The following MRPS31 variants were observed in gnomAD, a reference collection of about 807,000 sequenced individuals.
MRPS31 encodes mitochondrial ribosomal protein S31.
Under a neutral mutation model 43.1 loss-of-function variants are expected in MRPS31, and 32 were observed. That is an observed-to-expected ratio of 0.74 (90% CI 0.56 to 1.00). MRPS31 has a LOEUF of 1.00. MRPS31 is among the 50% of genes least tolerant of loss of function. The pLI is 0.00. For synonymous variants in MRPS31, 165 were observed against 161.6 expected (o/e 1.02, Z -0.16); for missense variants, 437 against 466.7 (o/e 0.94, Z 0.59).
rs181212376 is a variant in MRPS31, at chr13:40,752,475, A to G, written c.814+1544T>C. 55 of 152,344 alleles carry G rather than the reference A, an allele frequency of 3.6e-4. 1 individual carries two copies. Among genetic ancestry groups the G allele is most frequent in the African/African-American group, 1.3e-3 (53 of 41,580 alleles). 9.4% of individuals were successfully genotyped at this position (152,344 alleles called of 1,614,324 possible). A position where few individuals can be genotyped will look rare whatever the true frequency, so the allele number is the denominator to read the frequency against. ...GGTTGTTCTTTTAGCTTCACCTTCA[A>G]TTCAAATGAACAAACACTGAATTAA... On this transcript the variant is annotated intron_variant, in intron 5 of 6. Transcript: ENST00000323563.
chr13:40,760,408 G>A (rs1593277294), intron 2 of MRPS31, among the ~76,000 whole-genome samples: 1 of 152,018 alleles, frequency 6.6e-6, no homozygotes, highest in Admixed American at 6.6e-5. Context: ...TCATCAAGTA[G>A]GAGATGGAAA....
At chr13:40,769,421 T>TATATATATATA (rs10684050) in intron 1 of MRPS31, among the ~76,000 whole-genome samples, 17 of 120,146 alleles carry the variant, frequency 1.4e-4, no homozygotes, top group Admixed American at 2.7e-4. Context: ...TATATATATA[T>TATATATATATA]TATCAAGTTC....
At chr13:40,740,933 T>C (rs1170567) in intron 6 of MRPS31, among the ~76,000 whole-genome samples, 2 of 129,822 alleles carry the variant, frequency 1.5e-5, no homozygotes, top group Non-Finnish European at 3.2e-5. Flanking sequence ...ACTTAAAGTA[T>C]AATAAAAAAA....
chr13:40,731,645 A>C (rs1303301115), intron 6 of MRPS31, among the ~76,000 whole-genome samples: 30 of 152,174 alleles, frequency 2.0e-4, no homozygotes, highest in Admixed American at 2.0e-3. Context: ...AATGAACAGA[A>C]AATAATACTT....
chr13:40,729,582 T>G lies in MRPS31; in HGVS notation c.978A>C (p.Ser326=), dbSNP rs1289811844. 6.2e-7 allele frequency: 1 copy of G among 1,612,968 alleles called. No individual in the cohort carries two copies. The highest frequency in any genetic ancestry group is 8.5e-7 in the Non-Finnish European group (1 of 1,179,090). ...NNEAGFDDDG[S]EFHEHIFLEK... is the part of the protein sequence containing the mutation. ...CCAGAAATATATGTTCATGAAATTC[T>G]GAACCATCATCATCAAAACCTAGGA... The change falls in exon 7 of 7, where the codon TCA becomes TCC. Residue 326 remains serine (S), a synonymous_variant. Coordinates refer to ENST00000323563, the MANE Select transcript of MRPS31 (RefSeq NM_005830.4).
intron 5 of MRPS31, among the ~76,000 whole-genome samples, chr13:40,749,872 C>T (rs1189990596): frequency 1.3e-5 from 2 of 152,168 alleles, no homozygotes; most frequent in African/African-American, 4.8e-5. Context: ...AACTTCAGAT[C>T]ATCTTTTGAA....
At chr13:40,754,227 C>T in intron 4 of MRPS31, 135 bp from the exon 5 acceptor site, 1 of 521,402 alleles carries the variant, frequency 1.9e-6, no homozygotes, top group South Asian at 2.9e-5. Context: ...AAAATATTAG[C>T]TAAATTGCCA....
intron 3 of MRPS31, among the ~76,000 whole-genome samples, chr13:40,757,251 G>A (rs142912759): frequency 2.6e-5 from 4 of 151,514 alleles, no homozygotes; most frequent in Non-Finnish European, 5.9e-5. Flanking sequence ...CATTTAAAAC[G>A]TAAGTGTCTC....
intron 5 of MRPS31, among the ~76,000 whole-genome samples, chr13:40,751,707 A>T (rs906480901): frequency 4.6e-5 from 7 of 152,220 alleles, no homozygotes; most frequent in African/African-American, 1.7e-4. Flanking sequence ...ACAATTGCTA[A>T]ATTTACGTTT....
intron 2 of MRPS31, among the ~76,000 whole-genome samples, chr13:40,764,742 A>G (rs1256155518): frequency 3.9e-5 from 6 of 152,186 alleles, no homozygotes; most frequent in Non-Finnish European, 8.8e-5. Context: ...CAACTGCCAG[A>G]CCTATGAGTG....
At chr13:40,768,140 T>G (rs898775844) in intron 1 of MRPS31, among the ~76,000 whole-genome samples, 1 of 152,230 alleles carries the variant, frequency 6.6e-6, no homozygotes, top group African/African-American at 2.4e-5. Context: ...AAAATTTGTT[T>G]TGGTATTTGA....
intron 1 of MRPS31, among the ~76,000 whole-genome samples, chr13:40,767,766 T>C (rs1274969573): frequency 6.6e-6 from 1 of 152,256 alleles, no homozygotes; most frequent in East Asian, 1.9e-4. Flanking sequence ...CAAACCCAAA[T>C]GTGACTGACT....
chr13:40,763,677 C>T (rs1880764484), intron 2 of MRPS31, among the ~76,000 whole-genome samples: 1 of 152,158 alleles, frequency 6.6e-6, no homozygotes, highest in Admixed American at 6.5e-5. Context: ...AACACATTGC[C>T]ATATATCCAT....
At chr13:40,758,142 C>CAA (rs559446482) in intron 3 of MRPS31, among the ~76,000 whole-genome samples, 42 of 83,330 alleles carry the variant, frequency 5.0e-4, no homozygotes, top group Admixed American at 1.3e-3. Context: ...GACTCCGTCT[C>CAA]AAAAAAAAAA....
chr13:40,769,605 C>G (rs909654292), intron 1 of MRPS31, among the ~76,000 whole-genome samples: 4 of 151,630 alleles, frequency 2.6e-5, no homozygotes, highest in African/African-American at 7.3e-5. Flanking sequence ...TCCTCATAAT[C>G]AGTACACAGG....
At chr13:40,744,786 G>A (rs1208242116) in intron 6 of MRPS31, among the ~76,000 whole-genome samples, 1 of 151,570 alleles carries the variant, frequency 6.6e-6, no homozygotes, top group Admixed American at 6.6e-5. Flanking sequence ...GCTAATTTTT[G>A]CATTTTTAGT....
At chr13:40,731,820 T>C (rs1879709029) in intron 6 of MRPS31, among the ~76,000 whole-genome samples, 1 of 152,180 alleles carries the variant, frequency 6.6e-6, no homozygotes, top group South Asian at 2.1e-4. Flanking sequence ...ACATTAATTT[T>C]TTTCAAAGTA....
Position 40,771,015 on chromosome 13 carries a change from A to T in MRPS31, c.122T>A (p.Val41Asp). 1 of 1,614,082 alleles carries T rather than the reference A, an allele frequency of 6.2e-7. No homozygotes were observed. Among genetic ancestry groups the T allele is most frequent in the South Asian group, 1.1e-5 (1 of 91,076 alleles). The stretch of plus-strand genomic sequence containing the variant: ...CAACAGCGCTGAACTGCGGTACCTG[A>T]CTGTTCCGTGCCGAACAGTGAGTAG... Reference protein sequence around the residue: ...IMLLTVRHGTVRYRSSALLAR... With the variant: ...IMLLTVRHGTDRYRSSALLAR... Residue 41 changes from valine (V) to aspartate (D), a missense_variant, in exon 1 of 7, where the codon GTC becomes GAC. Coordinates refer to ENST00000323563, the MANE Select transcript of MRPS31 (RefSeq NM_005830.4).
In MRPS31 at chr13:40,756,773, T is replaced by C. The variant is rs1880539419; in HGVS notation, c.740+100A>G. On this transcript the variant is annotated intron_variant, in intron 4 of 6. Coordinates refer to ENST00000323563, the MANE Select transcript of MRPS31 (RefSeq NM_005830.4). ...TAAATGTATTCATAATGTTCAGATA[T>C]CCAACAGCAATAATACACACACACA... The C allele has an allele frequency of 9.3e-6, 12 of 1,292,518 alleles. No individual in the cohort carries two copies. In the South Asian group the frequency reaches 1.3e-4, roughly 14 times the overall value. The allele number at this position is 1,292,518 out of a possible 1,614,324, so 80.1% of individuals were successfully genotyped here.
Sources: allele counts gnomAD v4.1 joint callset (sites outside exome capture counted in the v4.1 genomes callset), GRCh38; gene constraint gnomAD v4.1.1; transcripts MANE v1.5; gene names NCBI Gene and HGNC (gene_info 2026-07-23, HGNC 2026-07-21).